NAA60: variants seen among roughly 807,000 people sequenced by gnomAD.
The protein encoded by NAA60 is N-alpha-acetyltransferase 60, NatF catalytic subunit, also known as N-alpha-acetyltransferase 60.
A neutral mutation model predicts 26.1 loss-of-function variants in NAA60; 8 were observed. The observed-to-expected ratio is 0.31, with a 90% confidence interval of 0.18 to 0.55. The LOEUF is 0.55. NAA60 is among the 20% of genes least tolerant of loss of function. The pLI, the probability that NAA60 is intolerant of heterozygous loss-of-function variation, is 0.93. For synonymous variants in NAA60, 131 were observed against 122.5 expected (o/e 1.07, Z -0.46); for missense variants, 290 against 311.3 (o/e 0.93, Z 0.51).
chr16:3,458,645 C>G (rs938101164), intron 2 of NAA60, among the ~76,000 whole-genome samples: 1 of 152,176 alleles, frequency 6.6e-6, no homozygotes, highest in African/African-American at 2.4e-5. Context: ...CTTGTTGCGC[C>G]GATTGGAGTC....
At chr16:3,482,133 C>T (rs142081487) in intron 4 of NAA60, among the ~76,000 whole-genome samples, 1,972 of 152,316 alleles carry the variant, frequency 0.013, 25 homozygotes, top group Middle Eastern at 0.017. Context: ...CCAGGCCTAC[C>T]AGGTGACATG....
rs35501650 is a variant in NAA60, at chr16:3,455,386, G to GTTTT, written c.-7+6865_-7+6868dup. Among the ~76,000 whole-genome samples, 144 of 101,968 alleles carry GTTTT rather than the reference G, an allele frequency of 1.4e-3. 4 individuals are homozygous for GTTTT. The highest frequency in any genetic ancestry group is 8.8e-3 in the South Asian group (26 of 2,950). 66.9% of individuals were successfully genotyped at this position (101,968 alleles called of 152,430 possible). On this transcript the variant is annotated intron_variant, in intron 2 of 7. Coordinates refer to ENST00000407558, the MANE Select transcript of NAA60 (RefSeq NM_001083601.3). ...GGGCATAGCCAAAAAAGAGTTTTTA[G>GTTTT]TTTTTTTTTTTTTTTTTTTTTTGAG...
chr16:3,448,507 G>C lies in NAA60; in HGVS notation c.-40G>C, dbSNP rs756392501. The C allele has an allele frequency of 3.6e-4, 558 of 1,535,614 alleles. 1 individual carries two copies. The highest frequency in any genetic ancestry group is 4.2e-4 in the Non-Finnish European group (484 of 1,146,880). On this transcript the variant is annotated 5_prime_UTR_variant, in exon 2 of 8. Coordinates refer to ENST00000407558, the MANE Select transcript of NAA60 (RefSeq NM_001083601.3). ...GCTGTACCTGGAGGAAGGAAGTGCGGAGCCAGCCTGAGTTGGGAGAAGAGC... is the reference window on the plus strand; with the variant it reads ...GCTGTACCTGGAGGAAGGAAGTGCGCAGCCAGCCTGAGTTGGGAGAAGAGC...
intron 2 of NAA60, chr16:3,458,082 C>G (rs1192314967): frequency 3.0e-6 from 3 of 985,252 alleles, no homozygotes; most frequent in Non-Finnish European, 3.6e-6. Flanking sequence ...GGTTACATAA[C>G]TCGTTGCGGG....
chr16:3,458,863 A>G (rs574601246), intron 2 of NAA60, among the ~76,000 whole-genome samples: 2 of 152,226 alleles, frequency 1.3e-5, no homozygotes, highest in South Asian at 4.1e-4. Context: ...GGGAATCTGT[A>G]GCTTTTGTGG....
chr16:3,455,892 C>T (rs991905040), intron 2 of NAA60, among the ~76,000 whole-genome samples: 1 of 148,370 alleles, frequency 6.7e-6, no homozygotes, highest in Non-Finnish European at 1.5e-5. Context: ...TTTTTAGTAG[C>T]GACGGGGTTT....
At chr16:3,483,709 C>A (rs1436640588) in intron 6 of NAA60, 112 bp downstream of exon 6, 3 of 776,526 alleles carry the variant, frequency 3.9e-6, no homozygotes, top group Non-Finnish European at 6.5e-6. Flanking sequence ...GGTGGCCAAG[C>A]TTATGGATGC....
chr16:3,476,483 C>G, intron 3 of NAA60, 146 bp downstream of exon 3: 1 of 638,356 alleles, frequency 1.6e-6, no homozygotes, highest in Non-Finnish European at 2.7e-6. Flanking sequence ...TCCCAGGTTA[C>G]CCACCTCATC....
chr16:3,458,223 C>A (rs2150958283), intron 2 of NAA60: 1 of 574,630 alleles, frequency 1.7e-6, no homozygotes, highest in South Asian at 7.8e-5. Context: ...GGACCTGCGG[C>A]GGGGCGCCGA....
intron 2 of NAA60, among the ~76,000 whole-genome samples, chr16:3,468,949 G>A (rs2035940356): frequency 6.6e-6 from 1 of 152,128 alleles, no homozygotes; most frequent in South Asian, 2.1e-4. Context: ...ACCTGGTTGT[G>A]GTGGCACATG....
intron 2 of NAA60, among the ~76,000 whole-genome samples, chr16:3,457,221 A>G (rs1337338648): frequency 3.3e-5 from 5 of 152,172 alleles, no homozygotes; most frequent in Non-Finnish European, 5.9e-5. Context: ...CCAGGCGGGC[A>G]GATCACTTGA....
Position 3,459,795 on chromosome 16 carries a change from C to G in NAA60, c.-7+11255C>G, listed in dbSNP as rs2035257810. 2.0e-5 allele frequency among the ~76,000 whole-genome samples: 3 copies of G among 152,178 alleles called. No homozygotes were observed. In the South Asian group the frequency reaches 6.2e-4, roughly 32 times the overall value. ...GTGTCCGTCCTATCTTTAGCCTCTC[C>G]TGGTTGTAACTTGAAGTGACTTTGT... On this transcript the variant is annotated intron_variant, in intron 2 of 7. Transcript: ENST00000407558.
intron 2 of NAA60, among the ~76,000 whole-genome samples, chr16:3,475,153 A>C (rs1596340350): frequency 6.8e-6 from 1 of 146,902 alleles, no homozygotes; most frequent in African/African-American, 2.5e-5. Flanking sequence ...GCAGTGGCGC[A>C]GTCTTGGCTC....
intron 2 of NAA60, chr16:3,458,046 C>G: frequency 1.0e-6 from 1 of 985,260 alleles, no homozygotes; most frequent in Non-Finnish European, 1.2e-6. Context: ...CGGGCTGCCG[C>G]CTCCGTCCCG....
chr16:3,479,436 G>A, intron 3 of NAA60, 35 bp from the exon 4 acceptor site: 1 of 1,609,098 alleles, frequency 6.2e-7, no homozygotes, highest in Non-Finnish European at 8.5e-7. Flanking sequence ...GACTTGACCT[G>A]TGGCAGGTTC....
At chr16:3,466,995 G>A (rs1228752917) in intron 2 of NAA60, among the ~76,000 whole-genome samples, 1 of 152,188 alleles carries the variant, frequency 6.6e-6, no homozygotes, top group Non-Finnish European at 1.5e-5. Context: ...GAGGTGGCAG[G>A]GAGGCCTGCC....
intron 2 of NAA60, chr16:3,458,150 A>G (rs2035105934): frequency 1.0e-6 from 1 of 984,426 alleles, no homozygotes; most frequent in African/African-American, 1.8e-5. Context: ...GAGCCCTACA[A>G]CACCCCCAGC....
chr16:3,452,649 G>A (rs1048227229), intron 2 of NAA60, among the ~76,000 whole-genome samples: 1 of 145,852 alleles, frequency 6.9e-6, no homozygotes, highest in Non-Finnish European at 1.5e-5. Flanking sequence ...GCAAGACCCC[G>A]TCTCAAAAAA....
chr16:3,462,479 C>T (rs956645109), intron 2 of NAA60: 3 of 152,202 alleles, frequency 2.0e-5, no homozygotes, highest in East Asian at 1.9e-4. Context: ...GAGTCTGTTA[C>T]ATTCAGAATG....
Sources: gnomAD v4.1 joint callset for allele counts (sites outside exome capture counted in the v4.1 genomes callset) on GRCh38, gnomAD v4.1.1 for gene constraint, MANE v1.5 for transcripts, NCBI Gene and HGNC (gene_info 2026-07-23, HGNC 2026-07-21) for gene names.